TMEM144: variants seen among roughly 807,000 people sequenced by gnomAD.
TMEM144 encodes the protein transmembrane protein 144.
TMEM144 carries 39 observed loss-of-function variants against 43.6 expected under a neutral mutation model. That is an observed-to-expected ratio of 0.90 (90% CI 0.69 to 1.17). The LOEUF is 1.17. Ranked by LOEUF, TMEM144 falls within the 50% of genes most tolerant of loss-of-function variation. TMEM144 has a pLI of 0.00. For missense variants in TMEM144, 417 were observed against 411.9 expected (o/e 1.01, Z -0.11); for synonymous variants, 154 against 133.6 (o/e 1.15, Z -1.06).
In TMEM144 at chr4:158,241,599, T is replaced by C. The variant is rs780097850; in HGVS notation, c.893T>C (p.Ile298Thr). 6 of 1,613,572 alleles carry C rather than the reference T, an allele frequency of 3.7e-6. No homozygotes were observed. In the South Asian group the frequency reaches 6.6e-5, roughly 18 times the overall value. ...AGTGCTGTGGTCAGTTTTCCAATAA[T>C]CACTGCTGTAAGTAGCTGAACTGGT... is the stretch of plus-strand genomic sequence containing the variant. ...SLSAVVSFPIITAGPGFIAAM... is the reference protein window; with the variant it reads ...SLSAVVSFPITTAGPGFIAAM... The change falls in exon 11 of 13, where the codon ATC becomes ACC. Residue 298 changes from isoleucine (I) to threonine (T), a missense_variant. Physicochemically the swap from Ile to Thr is moderately conservative, Grantham distance 89. Transcript: ENST00000296529.
Position 158,212,793 on chromosome 4 carries a change from G to A in TMEM144, c.109+17G>A. The A allele has an allele frequency of 6.4e-7, 1 of 1,552,598 alleles. No individual in the cohort carries two copies. Among genetic ancestry groups the A allele is most frequent in the Non-Finnish European group, 8.9e-7 (1 of 1,124,632 alleles). On this transcript the variant is annotated intron_variant, in intron 3 of 12. Coordinates refer to ENST00000296529, the MANE Select transcript of TMEM144 (RefSeq NM_018342.5). The stretch of plus-strand genomic sequence containing the variant: ...CTGGTGATGGTAATTATTTTTCCTT[G>A]ATTGTTAACGTTATATTATTTTTAA...
In TMEM144 at chr4:158,249,660, G is replaced by T. The variant is rs191000393; in HGVS notation, c.955-3784G>T. On this transcript the variant is annotated intron_variant, in intron 12 of 12. Transcript: ENST00000296529. Reference sequence around the variant, plus strand: ...AAATAGCGCTTAGCAATGTATTCACGTAATTAGATTGTAGAGTGCTTGTAA... The same window carrying T: ...AAATAGCGCTTAGCAATGTATTCACTTAATTAGATTGTAGAGTGCTTGTAA... 5.1e-3 allele frequency among the ~76,000 whole-genome samples: 777 copies of T among 152,286 alleles called. 5 individuals are homozygous for T. The highest frequency in any genetic ancestry group is 0.017 in the African/African-American group (726 of 41,566).
chr4:158,223,138 C>G (rs1734586584), intron 6 of TMEM144, among the ~76,000 whole-genome samples: 1 of 152,206 alleles, frequency 6.6e-6, no homozygotes, highest in Non-Finnish European at 1.5e-5. Context: ...TGCACAGGCT[C>G]AAAATCATTG....
intron 4 of TMEM144, among the ~76,000 whole-genome samples, chr4:158,216,867 C>T (rs1183862583): frequency 6.6e-6 from 1 of 150,950 alleles, no homozygotes; most frequent in African/African-American, 2.4e-5. Flanking sequence ...CTCAGTGACC[C>T]TCAAAACATA....
chr4:158,224,824 G>A (rs949434862), intron 6 of TMEM144, among the ~76,000 whole-genome samples: 4 of 152,158 alleles, frequency 2.6e-5, no homozygotes, highest in African/African-American at 7.2e-5. Flanking sequence ...AGGGGTTGGC[G>A]AAGCTGCTCT....
At chr4:158,219,431 A>C (rs1331183833) in intron 6 of TMEM144, 41 bp downstream of exon 6, 1 of 1,570,562 alleles carries the variant, frequency 6.4e-7, no homozygotes, top group Middle Eastern at 1.7e-4. Context: ...TCTTCAAAAC[A>C]TGGAGAGTGC....
intron 8 of TMEM144, among the ~76,000 whole-genome samples, chr4:158,235,998 A>C (rs369714331): frequency 6.6e-6 from 1 of 152,232 alleles, no homozygotes; most frequent in Non-Finnish European, 1.5e-5. Context: ...CTCTATCTCC[A>C]TAAGAACTCA....
At chr4:158,220,729 T>C (rs1054464084) in intron 6 of TMEM144, among the ~76,000 whole-genome samples, 5 of 152,242 alleles carry the variant, frequency 3.3e-5, no homozygotes, top group Admixed American at 1.3e-4. Flanking sequence ...AATTATTTTA[T>C]TAATAACATT....
rs1283583355 is a variant in TMEM144, at chr4:158,217,386, T to G, written c.298T>G (p.Ser100Ala). ...GLGLGILIWGSFNALTGWASS... is the reference protein window; with the variant it reads ...GLGLGILIWGAFNALTGWASS... Reference sequence around the variant, plus strand: ...AGGCCTTGGAATCTTAATCTGGGGATCATTTAATGCCTTAACTGGCTGGGC... The same window carrying G: ...AGGCCTTGGAATCTTAATCTGGGGAGCATTTAATGCCTTAACTGGCTGGGC... The change falls in exon 5 of 13, where the codon TCA becomes GCA. Residue 100 changes from serine (S) to alanine (A), a missense_variant. Ser to Ala is a moderately conservative substitution (Grantham distance 99, BLOSUM62 1). Transcript: ENST00000296529. 1 of 1,613,194 alleles carries G rather than the reference T, an allele frequency of 6.2e-7. No individual in the cohort carries two copies. Among genetic ancestry groups the G allele is most frequent in the Admixed American group, 1.7e-5 (1 of 59,940 alleles).
chr4:158,253,324 C>CA, intron 12 of TMEM144, 120 bp from the exon 13 acceptor site: 1 of 747,342 alleles, frequency 1.3e-6, no homozygotes, highest in Non-Finnish European at 2.1e-6. Context: ...GAAGGGGTAG[C>CA]AAAAAAGGGT....
At position 158,241,494 on chromosome 4, in the gene TMEM144, G is replaced by C; in HGVS notation, c.803-15G>C. 1 of 1,606,260 alleles carries C rather than the reference G, an allele frequency of 6.2e-7. No individual in the cohort carries two copies. Among genetic ancestry groups the C allele is most frequent in the Non-Finnish European group, 8.5e-7 (1 of 1,173,186 alleles). ...GGAACATGGTCTGCAAATGTGTGTT[G>C]TCTTTGTATTTCAGGATTCCTGTCA... On this transcript the variant is annotated splice_polypyrimidine_tract_variant and intron_variant, in intron 10 of 12. Coordinates refer to ENST00000296529, the MANE Select transcript of TMEM144 (RefSeq NM_018342.5).
chr4:158,235,917 A>G (rs1015330173), intron 8 of TMEM144, among the ~76,000 whole-genome samples: 27 of 152,154 alleles, frequency 1.8e-4, no homozygotes, highest in African/African-American at 6.5e-4. Context: ...CTGTGTTTAG[A>G]CAGTTATATA....
chr4:158,223,907 T>C (rs1397912305), intron 6 of TMEM144, among the ~76,000 whole-genome samples: 1 of 152,246 alleles, frequency 6.6e-6, no homozygotes, highest in Admixed American at 6.5e-5. Context: ...GAATGATTTA[T>C]ATTCCTTTGG....
rs980614962 is a variant in TMEM144 at position 158,253,341 on chromosome 4, G to A, written c.955-103G>A. On this transcript the variant is annotated intron_variant, in intron 12 of 12. Transcript: ENST00000296529. ...AGGGGTAGCAAAAAAGGGTACAGGC[G>A]GCTAGAGCAGATGGTTAGGTCCCTA... 91 of 934,938 alleles carry A rather than the reference G, an allele frequency of 9.7e-5. No individual in the cohort carries two copies. In the African/African-American group the frequency reaches 1.1e-3, roughly 11 times the overall value. 57.9% of individuals were successfully genotyped at this position (934,938 alleles called of 1,614,324 possible).
chr4:158,241,738 A>T, intron 11 of TMEM144, 132 bp downstream of exon 11: 1 of 635,956 alleles, frequency 1.6e-6, no homozygotes, highest in Non-Finnish European at 2.7e-6. Context: ...ATGGATTCAG[A>T]TAGATAAACT....
chr4:158,244,323 G>T lies in TMEM144; in HGVS notation c.928G>T (p.Gly310Cys). 2 of 1,607,860 alleles carry T rather than the reference G, an allele frequency of 1.2e-6. No individual in the cohort carries two copies. The highest frequency in any genetic ancestry group is 1.7e-6 in the Non-Finnish European group (2 of 1,176,774). The change falls in exon 12 of 13, where the codon GGT (glycine) becomes TGT (cysteine). Residue 310 changes from glycine (G) to cysteine (C), a missense_variant. Coordinates refer to ENST00000296529, the MANE Select transcript of TMEM144 (RefSeq NM_018342.5). Reference sequence around the variant, plus strand: ...TCCAGGATTTATAGCTGCAATGTGGGGTATCTTCATGTTTAAGGAAATAAA... The same window carrying T: ...TCCAGGATTTATAGCTGCAATGTGGTGTATCTTCATGTTTAAGGAAATAAA... The part of the protein sequence containing the change: ...AGPGFIAAMW[G>C]IFMFKEIKGL...
Position 158,241,751 on chromosome 4 carries a change from C to A in TMEM144, c.900+145C>A, listed in dbSNP as rs1735649541. On this transcript the variant is annotated intron_variant, in intron 11 of 12. Coordinates refer to ENST00000296529, the MANE Select transcript of TMEM144 (RefSeq NM_018342.5). ...TAATGGATTCAGATAGATAAACTGACCCTCTTGAATCTTCATGTGCTTGAT... is the reference window on the plus strand; with the variant it reads ...TAATGGATTCAGATAGATAAACTGAACCTCTTGAATCTTCATGTGCTTGAT... The A allele has an allele frequency of 3.3e-6, 2 of 601,876 alleles. 1 individual carries two copies. The highest frequency in any genetic ancestry group is 6.3e-5 in the Admixed American group (2 of 31,882). 37.3% of individuals were successfully genotyped at this position (601,876 alleles called of 1,614,324 possible). A position where few individuals can be genotyped will look rare whatever the true frequency, so the allele number is the denominator to read the frequency against.
chr4:158,253,582 AG>A lies in TMEM144; in HGVS notation c.*56del. ...AGTTAAGAGAACGCGTCTATCGGACAGCGGAGAGATCATGCTGAGAAAAGAG... is the reference window on the plus strand; with the variant it reads ...AGTTAAGAGAACGCGTCTATCGGACACGGAGAGATCATGCTGAGAAAAGAG... On this transcript the variant is annotated 3_prime_UTR_variant, in exon 13 of 13. Coordinates refer to ENST00000296529, the MANE Select transcript of TMEM144 (RefSeq NM_018342.5). 1 of 1,411,766 alleles carries A rather than the reference AG, an allele frequency of 7.1e-7. No homozygotes were observed. Among genetic ancestry groups the A allele is most frequent in the Non-Finnish European group, 1.0e-6 (1 of 1,001,672 alleles). 87.5% of individuals were successfully genotyped at this position (1,411,766 alleles called of 1,614,324 possible).
chr4:158,243,951 T>A (rs1300555870), intron 11 of TMEM144, among the ~76,000 whole-genome samples: 2 of 152,202 alleles, frequency 1.3e-5, no homozygotes, highest in Non-Finnish European at 1.5e-5. Context: ...CTTTTTCTTA[T>A]TAATCCCATT....
Sources: allele counts gnomAD v4.1 joint callset (sites outside exome capture counted in the v4.1 genomes callset), GRCh38; gene constraint gnomAD v4.1.1; transcripts MANE v1.5; gene names NCBI Gene and HGNC (gene_info 2026-07-23, HGNC 2026-07-21).